Variants in KPNB1 observed in about 807,000 individuals in gnomAD.
The protein encoded by KPNB1 is karyopherin subunit beta 1, also known as importin subunit beta-1.
KPNB1 carries 7 observed loss-of-function variants against 113.0 expected under a neutral mutation model. That is an observed-to-expected ratio of 0.06 (90% CI 0.04 to 0.12). KPNB1 has a LOEUF of 0.12. Ranked by LOEUF, KPNB1 falls within the 10% of genes least tolerant of loss-of-function variation. KPNB1 has a pLI of 1.00. For synonymous variants in KPNB1, 363 were observed against 378.6 expected (o/e 0.96, Z 0.48); for missense variants, 400 against 1,054.8 (o/e 0.38, Z 8.60).
chr17:47,683,118 A>ACAC lies in KPNB1; in HGVS notation c.*714_*715insCAC, dbSNP rs1555619991. On this transcript the variant is annotated 3_prime_UTR_variant, in exon 22 of 22. Coordinates refer to ENST00000290158, the MANE Select transcript of KPNB1 (RefSeq NM_002265.6). ...AAAAAAAAAAAAAAAAAAAAAAAAA[A>ACAC]ACACACACACAGAGGAAAGACGCTC... 7.0e-6 allele frequency: 1 copy of ACAC among 143,214 alleles called. No homozygotes were observed. Among genetic ancestry groups the ACAC allele is most frequent in the African/African-American group, 2.6e-5 (1 of 38,062 alleles). The allele number at this position is 143,214 out of a possible 1,614,324, so 8.9% of individuals were successfully genotyped here.
At chr17:47,661,665 T>G (rs2030101219) in intron 6 of KPNB1, among the ~76,000 whole-genome samples, 1 of 151,968 alleles carries the variant, frequency 6.6e-6, no homozygotes, top group Non-Finnish European at 1.5e-5. Context: ...TAAAAAAGGT[T>G]TAAGGTGCCA....
chr17:47,654,022 C>T (rs904850126), intron 3 of KPNB1, among the ~76,000 whole-genome samples: 24 of 152,122 alleles, frequency 1.6e-4, no homozygotes, highest in African/African-American at 5.1e-4. Context: ...TCTCATCTTC[C>T]TTAATTTACA....
chr17:47,684,734 T>A lies in KPNB1; in HGVS notation c.*2330T>A, dbSNP rs2030892729. On this transcript the variant is annotated 3_prime_UTR_variant, in exon 22 of 22. Transcript: ENST00000290158. ...AGTTGATGAGTGCTGTTACTAATGC[T>A]TTCTCCCAGATCCATTCAGTGGTGG... The A allele has an allele frequency of 6.5e-6, 1 of 152,674 alleles. No homozygotes were observed. Among genetic ancestry groups the A allele is most frequent in the Non-Finnish European group, 1.5e-5 (1 of 68,066 alleles). The allele number at this position is 152,674 out of a possible 1,614,324, so 9.5% of individuals were successfully genotyped here.
intron 19 of KPNB1, 94 bp downstream of exon 19, chr17:47,678,507 T>G: frequency 1.2e-6 from 1 of 834,750 alleles, no homozygotes; most frequent in South Asian, 1.5e-5. Context: ...CTTGTGAACC[T>G]AGTGCCTGTT....
chr17:47,668,548 G>A, intron 10 of KPNB1, 138 bp downstream of exon 10: 1 of 684,448 alleles, frequency 1.5e-6, no homozygotes, highest in South Asian at 2.0e-5. Flanking sequence ...TTTTAATGAG[G>A]GTAAAATATA....
chr17:47,670,761 A>G lies in KPNB1; in HGVS notation c.1476A>G (p.Glu492=). 2 of 1,613,694 alleles carry G rather than the reference A, an allele frequency of 1.2e-6. No homozygotes were observed. The highest frequency in any genetic ancestry group is 1.7e-6 in the Non-Finnish European group (2 of 1,179,574). The change falls in exon 12 of 22, where the codon GAA becomes GAG. Residue 492 remains glutamate (E), a synonymous_variant. Coordinates refer to ENST00000290158, the MANE Select transcript of KPNB1 (RefSeq NM_002265.6). ...YEAADVADDQ[E]EPATYCLSSS... is the part of the protein sequence containing the mutation. ...CTGCAGACGTTGCTGATGATCAGGAAGAACCAGCTACTTACTGCTTATCTT... is the reference window on the plus strand; with the variant it reads ...CTGCAGACGTTGCTGATGATCAGGAGGAACCAGCTACTTACTGCTTATCTT...
chr17:47,666,998 C>T (rs1029173956), intron 9 of KPNB1, among the ~76,000 whole-genome samples: 1 of 152,158 alleles, frequency 6.6e-6, no homozygotes, highest in Non-Finnish European at 1.5e-5. Context: ...GCATAGGCAA[C>T]CTGCCTTAAG....
intron 9 of KPNB1, 22 bp from the exon 10 acceptor site, chr17:47,668,164 T>C: frequency 6.3e-7 from 1 of 1,595,468 alleles, no homozygotes; most frequent in Non-Finnish European, 8.6e-7. Context: ...AAATCTTAAC[T>C]AGTGCCATAT....
intron 15 of KPNB1, among the ~76,000 whole-genome samples, chr17:47,676,162 T>G (rs1448763232): frequency 6.6e-6 from 1 of 152,152 alleles, no homozygotes; most frequent in African/African-American, 2.4e-5. Flanking sequence ...TTAGTCAGAG[T>G]AAAGCCCTAT....
In KPNB1 at chr17:47,668,373, G is replaced by T; in HGVS notation, c.1187G>T (p.Gly396Val). ...AVMAFGCILE[G>V]PEPSQLKPLV... ...ATGGCTTTTGGTTGTATCTTGGAAG[G>T]ACCAGAGCCCAGTCAGCTCAAACCA... The change falls in exon 10 of 22, where the codon GGA (glycine) becomes GTA (valine). Residue 396 changes from glycine to valine, a missense_variant. Gly to Val is a moderately radical substitution (Grantham distance 109). Transcript: ENST00000290158. 1.2e-6 allele frequency: 2 copies of T among 1,614,180 alleles called. No individual in the cohort carries two copies. Among genetic ancestry groups the T allele is most frequent in the South Asian group, 2.2e-5 (2 of 91,080 alleles).
In KPNB1 at chr17:47,650,414, G is replaced by A; in HGVS notation, c.69G>A (p.Lys23=). The change falls in exon 2 of 22, where the codon AAG becomes AAA. Residue 23 remains lysine, a synonymous_variant. Transcript: ENST00000290158. ...PDRLELEAAQ[K]FLERAAVENL... is the part of the protein sequence containing the mutation. ...GGCTGGAGCTGGAAGCGGCGCAGAA[G>A]TTCCTGGAGCGTGCGGCCGTGGAGA... 2 of 1,609,708 alleles carry A rather than the reference G, an allele frequency of 1.2e-6. No individual in the cohort carries two copies. The highest frequency in any genetic ancestry group is 1.7e-6 in the Non-Finnish European group (2 of 1,178,984).
At chr17:47,675,361 G>GTTTTTGTTTTTTTTTTTTTTTTTTT (rs2030568124) in intron 15 of KPNB1, among the ~76,000 whole-genome samples, 6 of 88,694 alleles carry the variant, frequency 6.8e-5, no homozygotes, top group East Asian at 2.9e-4. Context: ...CAGAGGTGTT[G>GTTTTTGTTTTTTTTTTTTTTTTTTT]TTTTTTTTTT....
intron 9 of KPNB1, among the ~76,000 whole-genome samples, chr17:47,666,371 C>G (rs889548872): frequency 7.1e-5 from 10 of 141,564 alleles, no homozygotes; most frequent in Non-Finnish European, 1.5e-4. Context: ...CTATTTTTAT[C>G]TTTTGACTTC....
rs1389236431 is a variant in KPNB1, at chr17:47,660,768, AG to A, written c.637-349del. On this transcript the variant is annotated intron_variant, in intron 5 of 21. Coordinates refer to ENST00000290158, the MANE Select transcript of KPNB1 (RefSeq NM_002265.6). ...CAGATGTTTTGAATTCTCTTATATA[AG>A]GAAACTGATTTTCCTACATGTAAAT... Among the ~76,000 whole-genome samples the A allele has an allele frequency of 2.6e-5, 4 of 152,354 alleles. No homozygotes were observed. In the East Asian group the frequency reaches 7.7e-4, roughly 29 times the overall value.
At position 47,664,164 on chromosome 17, in the gene KPNB1, A is replaced by G. The variant is rs145900699; in HGVS notation, c.792A>G (p.Thr264=). ...GGGGTGTTTTTCTTCTTAAGATCAC[A>G]ATCGAAGCAATGAAAAGTGACATTG... is the stretch of plus-strand genomic sequence containing the variant. ...TYMGPALFAI[T]IEAMKSDIDE... The change falls in exon 8 of 22, where the codon ACA becomes ACG. Residue 264 remains threonine, a synonymous_variant. Coordinates refer to ENST00000290158, the MANE Select transcript of KPNB1 (RefSeq NM_002265.6). 6.8e-6 allele frequency: 11 copies of G among 1,610,200 alleles called. No homozygotes were observed. The East Asian group carries it at 2.2e-4, about 33-fold the overall frequency.
intron 7 of KPNB1, among the ~76,000 whole-genome samples, chr17:47,663,749 C>T (rs2030179991): frequency 6.6e-6 from 1 of 152,090 alleles, no homozygotes; most frequent in Admixed American, 6.6e-5. Context: ...GTTTGGGAGG[C>T]TGAGACTGAC....
intron 3 of KPNB1, among the ~76,000 whole-genome samples, chr17:47,653,238 C>T (rs1349517826): frequency 3.3e-5 from 5 of 149,522 alleles, no homozygotes; most frequent in Non-Finnish European, 5.9e-5. Context: ...TCCAGAAATT[C>T]CGATTCGGTA....
intron 2 of KPNB1, 90 bp from the exon 3 acceptor site, chr17:47,652,604 C>T: frequency 1.9e-6 from 2 of 1,026,522 alleles, no homozygotes; most frequent in Non-Finnish European, 2.7e-6. Flanking sequence ...CCCCTCGCCG[C>T]CCCTCTGGTG....
At chr17:47,658,187 A>G (rs2029964782) in intron 4 of KPNB1, among the ~76,000 whole-genome samples, 1 of 152,220 alleles carries the variant, frequency 6.6e-6, no homozygotes, top group African/African-American at 2.4e-5. Context: ...CAAAATCCTC[A>G]GATGTTCAAG....
Sources: gnomAD v4.1 joint callset for allele counts (sites outside exome capture counted in the v4.1 genomes callset) on GRCh38, gnomAD v4.1.1 for gene constraint, MANE v1.5 for transcripts, NCBI Gene and HGNC (gene_info 2026-07-23, HGNC 2026-07-21) for gene names.